Variants in ABCB11 observed in about 807,000 individuals in gnomAD.
ABCB11 encodes bile salt export pump.
In ABCB11, 95 loss-of-function variants were observed where a neutral mutation model predicts 148.0. The observed-to-expected ratio is 0.64, with a 90% confidence interval of 0.54 to 0.76. ABCB11 has a LOEUF of 0.76. Among genes scored for constraint, ABCB11 ranks in the 30% least tolerant of loss-of-function variants. The pLI, the probability that ABCB11 is intolerant of heterozygous loss-of-function variation, is 0.00. For missense variants in ABCB11, 1,523 were observed against 1,617.8 expected (o/e 0.94, Z 1.01); for synonymous variants, 591 against 555.4 (o/e 1.06, Z -0.90).
intron 19 of ABCB11, among the ~76,000 whole-genome samples, chr2:168,946,995 A>G (rs1452773508): frequency 6.6e-6 from 1 of 151,824 alleles, no homozygotes; most frequent in Non-Finnish European, 1.5e-5. Context: ...AGTTCTTTGT[A>G]TATTCTTATT....
chr2:168,927,435 T>C (rs1691368492), intron 25 of ABCB11, 73 bp from the exon 26 acceptor site: 3 of 1,258,310 alleles, frequency 2.4e-6, no homozygotes, highest in Non-Finnish European at 2.3e-6. Context: ...TATTCTAGCA[T>C]TAGGTGTTAT....
chr2:168,990,535 A>G (rs1215221676), intron 9 of ABCB11, among the ~76,000 whole-genome samples: 1 of 152,150 alleles, frequency 6.6e-6, no homozygotes, highest in Non-Finnish European at 1.5e-5. Flanking sequence ...ACATACCATC[A>G]GAGTTTGAAA....
chr2:168,982,805 G>A (rs778696049), intron 10 of ABCB11, among the ~76,000 whole-genome samples: 47 of 152,124 alleles, frequency 3.1e-4, no homozygotes, highest in Non-Finnish European at 5.6e-4. Flanking sequence ...AGAGAAGAGA[G>A]AGAGAGAGCA....
At chr2:168,925,723 T>C (rs1344182904) in intron 26 of ABCB11, among the ~76,000 whole-genome samples, 12 of 152,206 alleles carry the variant, frequency 7.9e-5, no homozygotes, top group East Asian at 1.9e-4. Context: ...TCCTGAGGAA[T>C]GCTCCTTTAA....
chr2:168,923,737 T>C lies in ABCB11; in HGVS notation c.3851A>G (p.Asp1284Gly), dbSNP rs763287493. Residue 1284 changes from aspartate to glycine, a missense_variant, in exon 28 of 28, where the codon GAT (aspartate) becomes GGT (glycine). Coordinates refer to ENST00000650372, the MANE Select transcript of ABCB11 (RefSeq NM_003742.4). ...CCCCTGTGCCATGACAGCAATGATA[T>C]CCGCGTTCTGGATGGTGGACAAGCG... Reference protein sequence around the residue: ...AHRLSTIQNADIIAVMAQGVV... With the variant: ...AHRLSTIQNAGIIAVMAQGVV... 3.1e-6 allele frequency: 5 copies of C among 1,613,678 alleles called. No homozygotes were observed. The highest frequency in any genetic ancestry group is 4.2e-6 in the Non-Finnish European group (5 of 1,179,888).
chr2:168,972,665 GA>G (rs1693636129), intron 13 of ABCB11, among the ~76,000 whole-genome samples: 1 of 152,024 alleles, frequency 6.6e-6, no homozygotes, highest in South Asian at 2.1e-4. Context: ...TGTGAAAAAG[GA>G]AAACTCTGTT....
Position 168,958,058 on chromosome 2 carries a change from G to A in ABCB11, c.2249C>T (p.Pro750Leu). ...PVRRILKFSA[P>L]EWPYMLVGSV... ...CCCTACCAGCATGTAGGGCCATTCT[G>A]GAGCACTGAATTTCAGAATCCTCCT... The change falls in exon 19 of 28, where the codon CCA becomes CTA. Residue 750 changes from proline to leucine, a missense_variant. Transcript: ENST00000650372. 1.2e-6 allele frequency: 2 copies of A among 1,611,388 alleles called. No homozygotes were observed. The highest frequency in any genetic ancestry group is 1.7e-6 in the Non-Finnish European group (2 of 1,178,324).
chr2:168,955,859 T>C (rs978190235), intron 19 of ABCB11, among the ~76,000 whole-genome samples: 2 of 151,642 alleles, frequency 1.3e-5, no homozygotes, highest in African/African-American at 4.8e-5. Context: ...GGGTAAATCC[T>C]TCTGTTCTAA....
intron 10 of ABCB11, among the ~76,000 whole-genome samples, chr2:168,982,698 TA>T (rs1694173512): frequency 6.6e-6 from 1 of 152,114 alleles, no homozygotes; most frequent in Admixed American, 6.6e-5. Context: ...TTTTGTGGAT[TA>T]AAACACTCAA....
chr2:168,967,797 C>G (rs1268855239), intron 17 of ABCB11, among the ~76,000 whole-genome samples: 1 of 151,906 alleles, frequency 6.6e-6, no homozygotes, highest in Non-Finnish European at 1.5e-5. Flanking sequence ...TATTGAAACT[C>G]TTAAACCAGG....
intron 11 of ABCB11, among the ~76,000 whole-genome samples, chr2:168,977,421 A>G (rs1334471965): frequency 6.6e-6 from 1 of 152,078 alleles, no homozygotes; most frequent in Non-Finnish European, 1.5e-5. Flanking sequence ...GATGTGTTCA[A>G]ATGCTACCAA....
At chr2:168,969,211 G>T in intron 16 of ABCB11, 139 bp downstream of exon 16, 1 of 750,232 alleles carries the variant, frequency 1.3e-6, no homozygotes, top group South Asian at 2.0e-5. Context: ...CTGAGCTTCA[G>T]TTGTTTCCTT....
At chr2:168,998,566 A>G (rs1694785247) in intron 5 of ABCB11, among the ~76,000 whole-genome samples, 1 of 151,450 alleles carries the variant, frequency 6.6e-6, no homozygotes, top group African/African-American at 2.4e-5. Flanking sequence ...TCCCATAAAT[A>G]TGTATACTTA....
chr2:168,973,749 A>C lies in ABCB11; in HGVS notation c.1400T>G (p.Leu467Arg). 6.2e-7 allele frequency: 1 copy of C among 1,612,214 alleles called. No homozygotes were observed. The change falls in exon 13 of 28, where the codon CTC becomes CGC. Residue 467 changes from leucine (L) to arginine (R), a missense_variant. Transcript: ENST00000650372. ...ACAGGGGTCATAGAATCGCTGAATGAGTTGCAGTGCTGTACTTTTTCCAGC... is the reference window on the plus strand; with the variant it reads ...ACAGGGGTCATAGAATCGCTGAATGCGTTGCAGTGCTGTACTTTTTCCAGC... Reference protein sequence around the residue: ...SGAGKSTALQLIQRFYDPCEG... With the variant: ...SGAGKSTALQRIQRFYDPCEG...
chr2:168,950,136 T>TACACACAC lies in ABCB11; in HGVS notation c.2344-5176_2344-5175insGTGTGTGT, dbSNP rs796123814. Among the ~76,000 whole-genome samples, 454 of 99,276 alleles carry TACACACAC rather than the reference T, an allele frequency of 4.6e-3. 1 individual carries two copies. The highest frequency in any genetic ancestry group is 0.013 in the African/African-American group (425 of 31,496). The allele number at this position is 99,276 out of a possible 152,430, so 65.1% of individuals were successfully genotyped here. A position where few individuals can be genotyped will look rare whatever the true frequency, so the allele number is the denominator to read the frequency against. On this transcript the variant is annotated intron_variant, in intron 19 of 27. Coordinates refer to ENST00000650372, the MANE Select transcript of ABCB11 (RefSeq NM_003742.4). ...ATATATCCTATTACTCCCATATATA[T>TACACACAC]ATATACACACACACACACACACACA...
intron 19 of ABCB11, among the ~76,000 whole-genome samples, chr2:168,948,060 T>A (rs1411368089): frequency 6.6e-6 from 1 of 151,598 alleles, no homozygotes; most frequent in East Asian, 2.0e-4. Flanking sequence ...TATGACATGA[T>A]CCCAGGGCAC....
In ABCB11 at chr2:168,979,809, G is replaced by T. The variant is rs987503928; in HGVS notation, c.1197+57C>A. Reference sequence around the variant, plus strand: ...GGTAAATTCTTCAGGAGTTCATTCTGTGCCCCACCCCCCAGCCCCCACCTG... The same window carrying T: ...GGTAAATTCTTCAGGAGTTCATTCTTTGCCCCACCCCCCAGCCCCCACCTG... On this transcript the variant is annotated intron_variant, in intron 11 of 27. Coordinates refer to ENST00000650372, the MANE Select transcript of ABCB11 (RefSeq NM_003742.4). 46 of 1,016,770 alleles carry T rather than the reference G, an allele frequency of 4.5e-5. No individual in the cohort carries two copies. In the East Asian group the frequency reaches 1.2e-3, roughly 26 times the overall value. 63.0% of individuals were successfully genotyped at this position (1,016,770 alleles called of 1,614,324 possible).
At chr2:168,957,723 T>A (rs1692859808) in intron 19 of ABCB11, among the ~76,000 whole-genome samples, 5 of 151,650 alleles carry the variant, frequency 3.3e-5, no homozygotes, top group Admixed American at 3.3e-4. Context: ...TCAGTGACAG[T>A]ACCATTTTCT....
At position 169,029,724 on chromosome 2, in the gene ABCB11, CTTTTTTTTTTTTTTT is replaced by C. The variant is rs1166356679; in HGVS notation, c.-28+1486_-28+1500del. ...GTCTCTAAATGTACAGTTCTTTCCT[CTTTTTTTTTTTTTTT>C]TTTTTTTTTTTTTGAGAGGAGTCTC... On this transcript the variant is annotated intron_variant, in intron 1 of 27. Transcript: ENST00000650372. Among the ~76,000 whole-genome samples the C allele has an allele frequency of 4.1e-4, 36 of 88,306 alleles. 7 individuals are homozygous for C. Among genetic ancestry groups the C allele is most frequent in the African/African-American group, 2.1e-3 (36 of 17,400 alleles). 57.9% of individuals were successfully genotyped at this position (88,306 alleles called of 152,430 possible). A position where few individuals can be genotyped will look rare whatever the true frequency, so the allele number is the denominator to read the frequency against.
Sources: gnomAD v4.1 joint callset for allele counts (sites outside exome capture counted in the v4.1 genomes callset) on GRCh38, gnomAD v4.1.1 for gene constraint, MANE v1.5 for transcripts, NCBI Gene and HGNC (gene_info 2026-07-23, HGNC 2026-07-21) for gene names.